The following EFCAB6 variants were observed in gnomAD, a reference collection of about 807,000 sequenced individuals.
The protein encoded by EFCAB6 is EF-hand calcium binding domain 6.
A neutral mutation model predicts 169.8 loss-of-function variants in EFCAB6; 156 were observed. The observed-to-expected ratio is 0.92, with a 90% confidence interval of 0.81 to 1.05. The LOEUF (loss-of-function observed/expected upper bound fraction) is 1.05, where lower values mean the gene tolerates loss of function less well. Ranked by LOEUF, EFCAB6 falls within the 50% of genes least tolerant of loss-of-function variation. The probability of loss-of-function intolerance (pLI) is 0.00; values close to 1 mark genes in which losing one functional copy is unlikely to be tolerated. For missense variants in EFCAB6, 1,800 were observed against 1,829.1 expected, an observed-to-expected ratio of 0.98 and a Z score of 0.29; for synonymous variants, 698 against 676.4, an observed-to-expected ratio of 1.03 and a Z score of -0.50.
At chr22:43,660,869 T>G (rs941030490) in intron 17 of EFCAB6, among the ~76,000 whole-genome samples, 22 of 152,276 alleles carry the variant, frequency 1.4e-4, no homozygotes, top group Non-Finnish European at 2.2e-4. Context: ...AGCAGCAATA[T>G]CTGGACTCCT....
At chr22:43,694,506 G>T (rs146873591) in intron 10 of EFCAB6, among the ~76,000 whole-genome samples, 15 of 152,060 alleles carry the variant, frequency 9.9e-5, no homozygotes, top group African/African-American at 3.6e-4. Flanking sequence ...ACAAGAAAAG[G>T]CAATGTTAGA....
rs558967747 is a variant in EFCAB6, at chr22:43,596,471, GAAAT to G, written c.2876+3594_2876+3597del. 1.2e-3 allele frequency among the ~76,000 whole-genome samples: 179 copies of G among 151,784 alleles called. 1 individual carries two copies. The highest frequency in any genetic ancestry group is 4.1e-3 in the African/African-American group (171 of 41,442). On this transcript the variant is annotated intron_variant, in intron 23 of 31. Coordinates refer to ENST00000262726, the MANE Select transcript of EFCAB6 (RefSeq NM_022785.4). The stretch of plus-strand genomic sequence containing the variant: ...TGTTAACAGTGATCAATCCAAAAAA[GAAAT>G]AAATAAAGCAATCTCATTTACAATA...
chr22:43,634,706 AT>A (rs2055251897), intron 18 of EFCAB6, among the ~76,000 whole-genome samples: 1 of 151,942 alleles, frequency 6.6e-6, no homozygotes, highest in South Asian at 2.1e-4. Flanking sequence ...GTGGCCTTTT[AT>A]AATCTCTGCA....
chr22:43,599,245 C>G (rs946442555), intron 23 of EFCAB6, among the ~76,000 whole-genome samples: 1 of 152,080 alleles, frequency 6.6e-6, no homozygotes, highest in African/African-American at 2.4e-5. Flanking sequence ...TGTCGTTGTG[C>G]TGTTATAGAC....
intron 2 of EFCAB6, among the ~76,000 whole-genome samples, chr22:43,796,632 A>C (rs2062519009): frequency 6.6e-6 from 1 of 152,044 alleles, no homozygotes; most frequent in South Asian, 2.1e-4. Flanking sequence ...CAAACATCTC[A>C]AAACAGTTGC....
intron 20 of EFCAB6, among the ~76,000 whole-genome samples, chr22:43,618,548 C>T (rs967211122): frequency 5.3e-5 from 8 of 152,228 alleles, no homozygotes; most frequent in Admixed American, 3.3e-4. Flanking sequence ...AATCAAAATT[C>T]GAAGAATGAC....
chr22:43,753,817 G>A (rs1300242594), intron 6 of EFCAB6, among the ~76,000 whole-genome samples: 3 of 152,198 alleles, frequency 2.0e-5, no homozygotes, highest in Non-Finnish European at 4.4e-5. Context: ...GCAGAGTCTG[G>A]CTCCAAAAAT....
chr22:43,674,372 G>A (rs1237608163), intron 13 of EFCAB6, among the ~76,000 whole-genome samples: 1 of 152,174 alleles, frequency 6.6e-6, no homozygotes, highest in Non-Finnish European at 1.5e-5. Flanking sequence ...CTGCCTTTGT[G>A]GAGACAGGAC....
chr22:43,738,016 TCA>T lies in EFCAB6; in HGVS notation c.508-2025_508-2024del, dbSNP rs975661450. 3.8e-4 allele frequency among the ~76,000 whole-genome samples: 51 copies of T among 135,660 alleles called. 1 individual carries two copies. Among genetic ancestry groups the T allele is most frequent in the South Asian group, 3.5e-3 (15 of 4,232 alleles). 89.0% of individuals were successfully genotyped at this position (135,660 alleles called of 152,430 possible). Reference sequence around the variant, plus strand: ...TATTCACACACACATGCACATACACTCACACACACACACCTGCATATACTCAC... The same window carrying T: ...TATTCACACACACATGCACATACACTCACACACACACCTGCATATACTCAC... On this transcript the variant is annotated intron_variant, in intron 6 of 31. Coordinates refer to ENST00000262726, the MANE Select transcript of EFCAB6 (RefSeq NM_022785.4).
chr22:43,666,255 CA>C (rs1350534747), intron 17 of EFCAB6, among the ~76,000 whole-genome samples: 45 of 152,186 alleles, frequency 3.0e-4, no homozygotes, highest in Admixed American at 2.9e-3. Context: ...TGGACTATTT[CA>C]GTAGCTACCT....
chr22:43,768,801 T>C (rs1271682337), intron 4 of EFCAB6, among the ~76,000 whole-genome samples: 4 of 152,194 alleles, frequency 2.6e-5, no homozygotes, highest in African/African-American at 9.6e-5. Context: ...CTTGGGAAGA[T>C]TGTCAAAATT....
At chr22:43,630,593 G>A (rs1482828128) in intron 19 of EFCAB6, among the ~76,000 whole-genome samples, 1 of 152,218 alleles carries the variant, frequency 6.6e-6, no homozygotes, top group Non-Finnish European at 1.5e-5. Context: ...AAGGTGCAGT[G>A]AGGCAGCTGC....
intron 24 of EFCAB6, among the ~76,000 whole-genome samples, chr22:43,585,678 A>C (rs1569201786): frequency 6.6e-6 from 1 of 152,176 alleles, no homozygotes; most frequent in African/African-American, 2.4e-5. Context: ...AAGCAGGATA[A>C]ATCCCCCCAA....
At chr22:43,689,530 G>A (rs950558644) in intron 10 of EFCAB6, among the ~76,000 whole-genome samples, 3 of 152,164 alleles carry the variant, frequency 2.0e-5, no homozygotes, top group Non-Finnish European at 4.4e-5. Context: ...TTCATCAAAT[G>A]TGAAATCCAA....
intron 26 of EFCAB6, among the ~76,000 whole-genome samples, chr22:43,557,583 G>A (rs1466300662): frequency 1.3e-5 from 2 of 152,086 alleles, no homozygotes; most frequent in Non-Finnish European, 2.9e-5. Context: ...GATTTTAAAG[G>A]CAAGCTGTAT....
chr22:43,622,674 C>G (rs2054191211), intron 20 of EFCAB6, among the ~76,000 whole-genome samples: 1 of 152,180 alleles, frequency 6.6e-6, no homozygotes. Flanking sequence ...CTTACTATAT[C>G]TAACCTAAAT....
At chr22:43,634,212 G>A (rs2055203976) in intron 18 of EFCAB6, among the ~76,000 whole-genome samples, 1 of 152,200 alleles carries the variant, frequency 6.6e-6, no homozygotes, top group African/African-American at 2.4e-5. Flanking sequence ...AAATGCAGGT[G>A]AGTTCCTTCT....
At chr22:43,726,306 C>T (rs1430781835) in intron 8 of EFCAB6, among the ~76,000 whole-genome samples, 2 of 109,986 alleles carry the variant, frequency 1.8e-5, no homozygotes, top group Non-Finnish European at 3.8e-5. Flanking sequence ...AAAAAGACAG[C>T]ATAAATTGAA....
chr22:43,593,005 C>A lies in EFCAB6; in HGVS notation c.2877-2776G>T, dbSNP rs572145415. Among the ~76,000 whole-genome samples the A allele has an allele frequency of 2.6e-5, 4 of 151,764 alleles. No homozygotes were observed. In the East Asian group the frequency reaches 7.8e-4, roughly 29 times the overall value. ...AGAGGCAGATACAAAATTGTGGTCA[C>A]TTTAATGGAACATGACTCAAATCTG... On this transcript the variant is annotated intron_variant, in intron 23 of 31. Coordinates refer to ENST00000262726, the MANE Select transcript of EFCAB6 (RefSeq NM_022785.4).
Sources: gnomAD v4.1 joint callset for allele counts (sites outside exome capture counted in the v4.1 genomes callset) on GRCh38, gnomAD v4.1.1 for gene constraint, MANE v1.5 for transcripts, NCBI Gene and HGNC (gene_info 2026-07-23, HGNC 2026-07-21) for gene names.